ATAD2B: variants seen among roughly 807,000 people sequenced by gnomAD.
ATAD2B encodes the protein ATPase family AAA domain-containing protein 2B.
In ATAD2B, 40 loss-of-function variants were observed where a neutral mutation model predicts 167.6. That is an observed-to-expected ratio of 0.24 (90% CI 0.19 to 0.31). ATAD2B has a LOEUF of 0.31. Among genes scored for constraint, ATAD2B ranks in the 10% least tolerant of loss-of-function variants. The pLI, the probability that ATAD2B is intolerant of heterozygous loss-of-function variation, is 1.00. For synonymous variants in ATAD2B, 579 were observed against 596.5 expected (o/e 0.97, Z 0.43); for missense variants, 1,242 against 1,757.2 (o/e 0.71, Z 5.24).
chr2:23,792,335 T>A (rs1681879484), intron 19 of ATAD2B, among the ~76,000 whole-genome samples: 1 of 152,040 alleles, frequency 6.6e-6, no homozygotes, highest in Admixed American at 6.6e-5. Context: ...GCATGAGCTA[T>A]GGCACCTGGC....
intron 1 of ATAD2B, among the ~76,000 whole-genome samples, chr2:23,924,116 G>A (rs1431798234): frequency 1.3e-5 from 2 of 150,156 alleles, no homozygotes; most frequent in African/African-American, 4.9e-5. Flanking sequence ...CCCGGGGGGC[G>A]GAGCCTGCAG....
chr2:23,926,649 G>C lies in ATAD2B; in HGVS notation c.122C>G (p.Ser41Cys). The C allele has an allele frequency of 6.4e-7, 1 of 1,563,614 alleles. No homozygotes were observed. Among genetic ancestry groups the C allele is most frequent in the Non-Finnish European group, 8.7e-7 (1 of 1,154,942 alleles). Reference protein sequence around the residue: ...ATGGSSHFISSRTRSSKTRAA... With the variant: ...ATGGSSHFISCRTRSSKTRAA... ...GCGGGTCTTGGAGGAGCGGGTCCGA[G>C]AGGAGATGAAATGGCTGCTGCCTCC... The change falls in exon 1 of 28, where the codon TCT becomes TGT. Residue 41 changes from serine to cysteine, a missense_variant. Physicochemically the swap from Ser to Cys is moderately radical, Grantham distance 112. Transcript: ENST00000238789.
rs1386386756 is a variant in ATAD2B at position 23,915,467 on chromosome 2, C to T, written c.216+11088G>A. ...TAAAAAAAAAAAAAAATCCAACTCA[C>T]TATTTAAAAAAAAAGCGTATTGCTA... On this transcript the variant is annotated intron_variant, in intron 1 of 27. Transcript: ENST00000238789. Among the ~76,000 whole-genome samples, 4 of 149,820 alleles carry T rather than the reference C, an allele frequency of 2.7e-5. No homozygotes were observed. In the East Asian group the frequency reaches 7.8e-4, roughly 29 times the overall value.
intron 17 of ATAD2B, among the ~76,000 whole-genome samples, chr2:23,817,062 A>AAACC (rs1686555195): frequency 6.6e-6 from 1 of 152,164 alleles, no homozygotes; most frequent in African/African-American, 2.4e-5. Flanking sequence ...ACAGAAAACT[A>AAACC]AACCAACCAA....
At chr2:23,706,086 C>G in the ATAD2B span, among the ~76,000 whole-genome samples, 3 of 152,346 alleles carry the variant, frequency 2.0e-5, no homozygotes, top group South Asian at 2.1e-4. Flanking sequence ...ATTATTCTCT[C>G]TCGTCATTCT....
chr2:23,868,063 AAAT>A (rs1695405877), intron 9 of ATAD2B, 117 bp from the exon 10 acceptor site: 1 of 673,894 alleles, frequency 1.5e-6, no homozygotes, highest in African/African-American at 1.8e-5. Flanking sequence ...ATAACCCAGA[AAAT>A]AATATCAAAG....
the ATAD2B span, among the ~76,000 whole-genome samples, chr2:23,718,304 G>A: frequency 6.6e-6 from 1 of 152,120 alleles, no homozygotes; most frequent in South Asian, 2.1e-4. Flanking sequence ...AGACCCAGGT[G>A]AGCCCTAGGA....
the ATAD2B span, among the ~76,000 whole-genome samples, chr2:23,740,804 C>A: frequency 6.6e-6 from 1 of 152,202 alleles, no homozygotes; most frequent in African/African-American, 2.4e-5. Context: ...TAGAAAACCC[C>A]ATCGTCTCAG....
At chr2:23,926,509 G>A in intron 1 of ATAD2B, 46 bp downstream of exon 1, 1 of 1,526,200 alleles carries the variant, frequency 6.6e-7, no homozygotes, top group Non-Finnish European at 8.8e-7. Context: ...CCCGGCAGCA[G>A]GGCCGGCACT....
chr2:23,803,747 G>C (rs1299065566), intron 18 of ATAD2B, among the ~76,000 whole-genome samples: 1 of 152,146 alleles, frequency 6.6e-6, no homozygotes, highest in African/African-American at 2.4e-5. Context: ...GACATAAAAT[G>C]AAACATGATC....
At chr2:23,745,422 A>AAGGAAGGAAGAAAGGAAAGGGAAGGG (rs1491261605), downstream of ATAD2B, among the ~76,000 whole-genome samples, 319 of 85,062 alleles carry the variant, frequency 3.8e-3, 4 homozygotes, top group Non-Finnish European at 5.5e-3. Flanking sequence ...GGAAGGAAGG[A>AAGGAAGGAAGAAAGGAAAGGGAAGGG]AAGGGAAGGG....
At chr2:23,901,712 T>G (rs984734746) in intron 1 of ATAD2B, among the ~76,000 whole-genome samples, 1 of 152,162 alleles carries the variant, frequency 6.6e-6, no homozygotes, top group Non-Finnish European at 1.5e-5. Context: ...GGCTTTTTGC[T>G]GCAAAACTTC....
Position 23,754,172 on chromosome 2 carries a change from C to T in ATAD2B, c.4335+7G>A. On this transcript the variant is annotated splice_region_variant and intron_variant, in intron 27 of 27. Transcript: ENST00000238789. ...TTGTTTATTCTACAGATAAACTAAA[C>T]ACTTACCTCTACAAGTTGTGATTTG... 9 of 1,511,400 alleles carry T rather than the reference C, an allele frequency of 6.0e-6. No homozygotes were observed. Among genetic ancestry groups the T allele is most frequent in the Non-Finnish European group, 6.2e-6 (7 of 1,132,072 alleles). The allele number at this position is 1,511,400 out of a possible 1,614,324, so 93.6% of individuals were successfully genotyped here.
downstream of ATAD2B, among the ~76,000 whole-genome samples, chr2:23,746,784 G>A (rs1674907736): frequency 6.6e-6 from 1 of 152,120 alleles, no homozygotes; most frequent in Non-Finnish European, 1.5e-5. Context: ...GAAGGAAAAA[G>A]CAGAGTTCCT....
the ATAD2B span, among the ~76,000 whole-genome samples, chr2:23,698,329 G>A: frequency 3.9e-5 from 6 of 152,222 alleles, no homozygotes; most frequent in African/African-American, 1.2e-4. Context: ...CCTGGGCAGT[G>A]TGCATGCAAG....
the ATAD2B span, among the ~76,000 whole-genome samples, chr2:23,729,452 C>T: frequency 4.6e-5 from 7 of 152,236 alleles, no homozygotes; most frequent in East Asian, 1.4e-3. Flanking sequence ...AAGAAAGTAA[C>T]CTGAACTAAC....
downstream of ATAD2B, among the ~76,000 whole-genome samples, chr2:23,744,211 C>T (rs1295694478): frequency 6.6e-6 from 1 of 150,690 alleles, no homozygotes; most frequent in Non-Finnish European, 1.5e-5. Flanking sequence ...AAAAAGTAGC[C>T]ATCTAAGAAT....
chr2:23,745,422 A>AAGGAAAGGGAAGGGAGGGGAAGGGAAGGG (rs1491261605), downstream of ATAD2B, among the ~76,000 whole-genome samples: 1 of 85,012 alleles, frequency 1.2e-5, no homozygotes, highest in Non-Finnish European at 2.4e-5. Flanking sequence ...GGAAGGAAGG[A>AAGGAAAGGGAAGGGAGGGGAAGGGAAGGG]AAGGGAAGGG....
chr2:23,819,492 CAAA>C (rs1171377752), intron 17 of ATAD2B, among the ~76,000 whole-genome samples: 10 of 76,194 alleles, frequency 1.3e-4, no homozygotes, highest in Admixed American at 2.8e-4. Context: ...CTCTGCCTCC[CAAA>C]AAAAAAAAAA....
Sources: gnomAD v4.1 joint callset for allele counts (sites outside exome capture counted in the v4.1 genomes callset) on GRCh38, gnomAD v4.1.1 for gene constraint, MANE v1.5 for transcripts, NCBI Gene and HGNC (gene_info 2026-07-23, HGNC 2026-07-21) for gene names.